PLD3: variants seen among roughly 807,000 people sequenced by gnomAD.
PLD3 encodes 5'-3' exonuclease PLD3.
In PLD3, 31 loss-of-function variants were observed where a neutral mutation model predicts 58.4. That is an observed-to-expected ratio of 0.53 (90% CI 0.40 to 0.72). The LOEUF (loss-of-function observed/expected upper bound fraction) is 0.72. Among genes scored for constraint, PLD3 ranks in the 30% least tolerant of loss-of-function variants. The probability of loss-of-function intolerance (pLI) is 0.00; values close to 1 mark genes in which losing one functional copy is unlikely to be tolerated. For missense variants in PLD3, 595 were observed against 659.8 expected (o/e 0.90, Z 1.08); for synonymous variants, 264 against 273.4 (o/e 0.97, Z 0.34).
chr19:40,371,549 A>G (rs1317484665), intron 8 of PLD3, 124 bp from the exon 9 acceptor site: 3 of 622,892 alleles, frequency 4.8e-6, no homozygotes, highest in Non-Finnish European at 5.8e-6. Flanking sequence ...GACTTTAGCT[A>G]TTGGAGCTGG....
intron 1 of PLD3, among the ~76,000 whole-genome samples, chr19:40,363,479 G>A (rs980699883): frequency 2.6e-5 from 4 of 152,198 alleles, no homozygotes; most frequent in African/African-American, 4.8e-5. Flanking sequence ...AACCCAGGCT[G>A]GAGTGCAGTG....
intron 9 of PLD3, among the ~76,000 whole-genome samples, chr19:40,373,128 A>G (rs1313658259): frequency 2.0e-5 from 3 of 152,192 alleles, no homozygotes; most frequent in Non-Finnish European, 2.9e-5. Context: ...GTCCAAGCCC[A>G]GAGTCATCGT....
intron 1 of PLD3, among the ~76,000 whole-genome samples, chr19:40,353,926 G>C (rs940347419): frequency 2.6e-5 from 4 of 151,832 alleles, no homozygotes; most frequent in Non-Finnish European, 5.9e-5. Context: ...ACAGGGTCTT[G>C]CTCTCTCACC....
intron 11 of PLD3, among the ~76,000 whole-genome samples, chr19:40,377,362 G>GAGGAGGTACAGGCAGA (rs553035178): frequency 2.4e-5 from 2 of 81,842 alleles, no homozygotes; most frequent in Admixed American, 1.2e-4. Flanking sequence ...GGCTGGGATG[G>GAGGAGGTACAGGCAGA]GGGGGCACAG....
Position 40,366,758 on chromosome 19 carries a change from T to C in PLD3, c.103-15T>C, listed in dbSNP as rs756548325. The C allele has an allele frequency of 3.7e-6, 6 of 1,613,652 alleles. No individual in the cohort carries two copies. Among genetic ancestry groups the C allele is most frequent in the Non-Finnish European group, 4.2e-6 (5 of 1,179,860 alleles). On this transcript the variant is annotated splice_polypyrimidine_tract_variant and intron_variant, in intron 4 of 12. Transcript: ENST00000409735. ...GCCCCCCTCGGGCTGGCTGACCACC[T>C]CCTCCTCCCCACAGAAAGCCCGCTG...
chr19:40,366,642 G>A lies in PLD3; in HGVS notation c.60G>A (p.Glu20=). 2.5e-6 allele frequency: 4 copies of A among 1,586,910 alleles called. No homozygotes were observed. The highest frequency in any genetic ancestry group is 3.4e-6 in the Non-Finnish European group (4 of 1,164,630). Residue 20 remains glutamate (E), a synonymous_variant, in exon 4 of 13, where the codon GAG becomes GAA. Transcript: ENST00000409735. The part of the protein sequence containing the change: ...LKVPAEEPAN[E]LPMNEIEAWK... ...TGCCTGCAGAGGAGCCCGCCAATGA[G>A]CTGCCCATGAATGAGATTGAGGCGT...
intron 9 of PLD3, among the ~76,000 whole-genome samples, chr19:40,372,509 C>T (rs1267459925): frequency 6.6e-6 from 1 of 150,690 alleles, no homozygotes; most frequent in African/African-American, 2.4e-5. Flanking sequence ...TGTTTCAAGC[C>T]AGGCATGGTT....
At chr19:40,349,850 C>T (rs554056398) in intron 1 of PLD3, among the ~76,000 whole-genome samples, 6 of 151,394 alleles carry the variant, frequency 4.0e-5, no homozygotes, top group South Asian at 2.1e-4. Context: ...CCCAGCTACT[C>T]GGGAGGCTGA....
In PLD3 at chr19:40,378,294, C is replaced by CT; in HGVS notation, c.*122dup. ...GCCCCATTGTGGCTCCTCAGGCTCT[C>CT]TCCCCTGCTCTCCCACCTCTACCTC... On this transcript the variant is annotated 3_prime_UTR_variant, in exon 13 of 13. Coordinates refer to ENST00000409735, the MANE Select transcript of PLD3 (RefSeq NM_012268.4). The CT allele has an allele frequency of 1.1e-6, 1 of 884,646 alleles. No individual in the cohort carries two copies. The highest frequency in any genetic ancestry group is 1.9e-6 in the Non-Finnish European group (1 of 538,190). The allele number at this position is 884,646 out of a possible 1,614,324, so 54.8% of individuals were successfully genotyped here. A position where few individuals can be genotyped will look rare whatever the true frequency, so the allele number is the denominator to read the frequency against.
rs2079278095 is a variant in PLD3 at position 40,377,885 on chromosome 19, GGTGA to G, written c.1285+4_1285+7del. On this transcript the variant is annotated splice_donor_variant and splice_donor_region_variant and intron_variant, in intron 12 of 12. Transcript: ENST00000409735. LOFTEE classifies it high-confidence loss of function. The stretch of plus-strand genomic sequence containing the variant: ...GGTGACTGAACGCGCCACCTACATC[GGTGA>G]GTGTCTTGAGCACCACGGGGCGCTG... The G allele has an allele frequency of 1.9e-6, 3 of 1,613,688 alleles. No individual in the cohort carries two copies. The highest frequency in any genetic ancestry group is 1.1e-5 in the South Asian group (1 of 91,080).
Position 40,376,697 on chromosome 19 carries a change from T to C in PLD3, c.1108T>C (p.Ser370Pro). The change falls in exon 11 of 13, where the codon TCG (serine) becomes CCG (proline). Residue 370 changes from serine to proline, a missense_variant. Transcript: ENST00000409735. ...VRLLISCWGH[S>P]EPSMRAFLLS... ...CCTGCTCATCAGCTGCTGGGGACAC[T>C]CGGAGCCATCCATGCGGGCCTTCCT... 1 of 1,604,712 alleles carries C rather than the reference T, an allele frequency of 6.2e-7. No individual in the cohort carries two copies. Among genetic ancestry groups the C allele is most frequent in the Non-Finnish European group, 8.5e-7 (1 of 1,179,968 alleles).
Position 40,371,044 on chromosome 19 carries a change from T to C in PLD3, c.679-629T>C, listed in dbSNP as rs552451068. ...AGCTCAGAGACCCCAACCTGGGGCA[T>C]TGGAGGGTTTCCCAAAGGAGGTATA... On this transcript the variant is annotated intron_variant, in intron 8 of 12. Transcript: ENST00000409735. 5.9e-5 allele frequency among the ~76,000 whole-genome samples: 9 copies of C among 152,122 alleles called. No homozygotes were observed. The South Asian group carries it at 6.2e-4, about 11-fold the overall frequency.
At chr19:40,350,784 C>T (rs2078493352) in intron 1 of PLD3, among the ~76,000 whole-genome samples, 1 of 151,288 alleles carries the variant, frequency 6.6e-6, no homozygotes, top group South Asian at 2.1e-4. Context: ...CTGTGTACTA[C>T]ACTCTAGTGG....
intron 1 of PLD3, among the ~76,000 whole-genome samples, chr19:40,353,381 G>C (rs2078567127): frequency 6.6e-6 from 1 of 152,054 alleles, no homozygotes; most frequent in Non-Finnish European, 1.5e-5. Context: ...TTTGAGCCGA[G>C]ATCCTGCCAC....
In PLD3 at chr19:40,378,238, G is replaced by A. The variant is rs1011128293; in HGVS notation, c.*65G>A. The A allele has an allele frequency of 1.7e-5, 25 of 1,477,680 alleles. No homozygotes were observed. The highest frequency in any genetic ancestry group is 6.8e-5 in the East Asian group (3 of 44,194). 91.5% of individuals were successfully genotyped at this position (1,477,680 alleles called of 1,614,324 possible). ...CGCGGACCCAGGTGCTCTGGGTCAC[G>A]GTCCCTGTCCCCGCGCCCCCGCTTC... On this transcript the variant is annotated 3_prime_UTR_variant, in exon 13 of 13. Coordinates refer to ENST00000409735, the MANE Select transcript of PLD3 (RefSeq NM_012268.4).
Position 40,378,131 on chromosome 19 carries a change from C to T in PLD3, c.1431C>T (p.Asp477=). Residue 477 remains aspartate, a synonymous_variant, in exon 13 of 13, where the codon GAC becomes GAT. Transcript: ENST00000409735. The stretch of plus-strand genomic sequence containing the variant: ...ACTCCCCTTACAGCCATGACCTTGA[C>T]ACCTCAGCTGACAGCGTGGGCAACG... The part of the protein sequence containing the change: ...DWDSPYSHDL[D]TSADSVGNAC... 3 of 1,613,534 alleles carry T rather than the reference C, an allele frequency of 1.9e-6. No homozygotes were observed. The highest frequency in any genetic ancestry group is 2.5e-6 in the Non-Finnish European group (3 of 1,179,686).
chr19:40,370,272 C>T, intron 8 of PLD3, 35 bp downstream of exon 8: 3 of 1,593,248 alleles, frequency 1.9e-6, no homozygotes, highest in African/African-American at 1.3e-5. Flanking sequence ...CCTTCCAGGC[C>T]ACTCCCTGCC....
At position 40,365,921 on chromosome 19, in the gene PLD3, C is replaced by T. The variant is rs529222162; in HGVS notation, c.-75C>T. On this transcript the variant is annotated 5_prime_UTR_variant, in exon 2 of 13. Transcript: ENST00000409735. ...CAGACGCCTGAGAGCGAGGCCGAGG[C>T]CCCTCAGGGGTAGGTGGGGGGAGGC... 69 of 156,590 alleles carry T rather than the reference C, an allele frequency of 4.4e-4. No homozygotes were observed. Among genetic ancestry groups the T allele is most frequent in the Non-Finnish European group, 8.5e-4 (60 of 70,624 alleles). 9.7% of individuals were successfully genotyped at this position (156,590 alleles called of 1,614,324 possible). A position where few individuals can be genotyped will look rare whatever the true frequency, so the allele number is the denominator to read the frequency against.
chr19:40,376,271 C>T (rs2079196554), intron 10 of PLD3: 1 of 224,390 alleles, frequency 4.5e-6, no homozygotes, highest in Admixed American at 5.5e-5. Flanking sequence ...AGGAGAATCG[C>T]TTGAACCCAG....
Sources: gnomAD v4.1 joint callset for allele counts (sites outside exome capture counted in the v4.1 genomes callset) on GRCh38, gnomAD v4.1.1 for gene constraint, MANE v1.5 for transcripts, NCBI Gene and HGNC (gene_info 2026-07-23, HGNC 2026-07-21) for gene names.